The following TRAPPC8 variants were observed in gnomAD, a reference collection of about 807,000 sequenced individuals.
TRAPPC8 encodes general sporulation gene 1 homolog.
In TRAPPC8, 54 loss-of-function variants were observed where a neutral mutation model predicts 174.3. The ratio of observed to expected loss-of-function variants is 0.31; its 90% CI spans 0.25 to 0.39. The LOEUF is 0.39. Ranked by LOEUF, TRAPPC8 falls within the 10% of genes least tolerant of loss-of-function variation. TRAPPC8 has a pLI of 1.00. For synonymous variants in TRAPPC8, 630 were observed against 579.9 expected (o/e 1.09, Z -1.24); for missense variants, 1,531 against 1,699.1 (o/e 0.90, Z 1.74).
At chr18:31,874,213 A>G (rs2035029229) in intron 13 of TRAPPC8, 1 of 479,892 alleles carries the variant, frequency 2.1e-6, no homozygotes, top group African/African-American at 2.0e-5. Context: ...GAATCCAGAA[A>G]ACCTGTGGAA....
At chr18:31,940,380 G>C (rs920194499) in intron 1 of TRAPPC8, among the ~76,000 whole-genome samples, 5 of 151,984 alleles carry the variant, frequency 3.3e-5, no homozygotes, top group Non-Finnish European at 7.4e-5. Flanking sequence ...CTGGAAAATC[G>C]CTTGAACCTG....
intron 2 of TRAPPC8, 143 bp downstream of exon 2, chr18:31,931,186 G>T: frequency 1.6e-6 from 1 of 612,798 alleles, no homozygotes; most frequent in Non-Finnish European, 2.5e-6. Context: ...AAAGTTCCTA[G>T]GACTGTTTTC....
intron 11 of TRAPPC8, among the ~76,000 whole-genome samples, chr18:31,893,919 G>A (rs919015262): frequency 3.3e-5 from 5 of 152,082 alleles, no homozygotes; most frequent in African/African-American, 1.2e-4. Context: ...AAACCTGGAT[G>A]GGCAGCAATC....
intron 14 of TRAPPC8, among the ~76,000 whole-genome samples, chr18:31,873,174 C>A (rs887639448): frequency 6.6e-6 from 1 of 151,732 alleles, no homozygotes; most frequent in Admixed American, 6.6e-5. Context: ...TGTGCCACCA[C>A]GCCCAGCTAA....
chr18:31,908,555 G>C, intron 7 of TRAPPC8, 137 bp from the exon 8 acceptor site: 3 of 858,004 alleles, frequency 3.5e-6, no homozygotes, highest in Non-Finnish European at 5.0e-6. Flanking sequence ...TGTCCAATAT[G>C]CTGGCAAAAT....
rs1330606896 is a variant in TRAPPC8, at chr18:31,937,913, C to T, written c.157+4695G>A. ...AGATGGGGTTTCGCCACGTTAGCCA[C>T]GCTGGTCTCAAACTCCTGACCTCAG... On this transcript the variant is annotated intron_variant, in intron 1 of 28. Coordinates refer to ENST00000283351, the MANE Select transcript of TRAPPC8 (RefSeq NM_014939.5). Among the ~76,000 whole-genome samples the T allele has an allele frequency of 1.3e-5, 2 of 152,028 alleles. 1 individual carries two copies. The highest frequency in any genetic ancestry group is 4.1e-4 in the South Asian group (2 of 4,828).
chr18:31,831,908 A>G (rs2032396423), intron 28 of TRAPPC8, among the ~76,000 whole-genome samples, 176 bp downstream of exon 28: 1 of 152,134 alleles, frequency 6.6e-6, no homozygotes, highest in South Asian at 2.1e-4. Flanking sequence ...ATCAAGAAAA[A>G]AAAATCTTTA....
At chr18:31,872,212 G>A (rs574547994) in intron 14 of TRAPPC8, among the ~76,000 whole-genome samples, 24 of 151,880 alleles carry the variant, frequency 1.6e-4, no homozygotes, top group African/African-American at 5.8e-4. Flanking sequence ...TTGACTTTCT[G>A]TTTCTGAGTT....
In TRAPPC8 at chr18:31,870,458, G is replaced by A; in HGVS notation, c.2302C>T (p.Leu768=). The part of the protein sequence containing the change: ...EVAFRNPLKV[L]LLLTDLSLLW... ...AATGACAAATCAGTCAACAAAAGTA[G>A]AACTTTCAAAGGGTTTCTAAAAGCC... The change falls in exon 16 of 29, where the codon CTA becomes TTA. Residue 768 remains leucine (L), a synonymous_variant. Coordinates refer to ENST00000283351, the MANE Select transcript of TRAPPC8 (RefSeq NM_014939.5). 1 of 1,611,436 alleles carries A rather than the reference G, an allele frequency of 6.2e-7. No homozygotes were observed.
At chr18:31,859,754 T>C (rs2034226915) in intron 19 of TRAPPC8, among the ~76,000 whole-genome samples, 1 of 152,208 alleles carries the variant, frequency 6.6e-6, no homozygotes, top group African/African-American at 2.4e-5. Flanking sequence ...CCAGGCACAG[T>C]GGCTCACGCC....
intron 1 of TRAPPC8, among the ~76,000 whole-genome samples, chr18:31,931,865 C>T (rs948918660): frequency 3.3e-5 from 5 of 152,138 alleles, no homozygotes; most frequent in African/African-American, 1.2e-4. Flanking sequence ...TCCAAGGCAG[C>T]GTAAGGTCTA....
At position 31,830,704 on chromosome 18, in the gene TRAPPC8, C is replaced by T; in HGVS notation, c.*51G>A. 8 of 1,503,190 alleles carry T rather than the reference C, an allele frequency of 5.3e-6. No homozygotes were observed. The highest frequency in any genetic ancestry group is 7.3e-6 in the Non-Finnish European group (8 of 1,095,984). 93.1% of individuals were successfully genotyped at this position (1,503,190 alleles called of 1,614,324 possible). On this transcript the variant is annotated 3_prime_UTR_variant, in exon 29 of 29. Transcript: ENST00000283351. ...GGTATATCAAATACTGCTGTAAAAC[C>T]CATCCAGCAAAAACTGATTATTGTG...
In TRAPPC8 at chr18:31,867,453, A is replaced by T. The variant is rs757194963; in HGVS notation, c.2412T>A (p.Ile804=). The change falls in exon 17 of 29, where the codon ATT becomes ATA. Residue 804 remains isoleucine, a synonymous_variant. Coordinates refer to ENST00000283351, the MANE Select transcript of TRAPPC8 (RefSeq NM_014939.5). ...AGAACTCTGAAATAACTTCAGCTCC[A>T]ATCATTTCAGGTTCACTTGTAACCT... ...KQLVTSEPEM[I]GAEVISEFLI... is the part of the protein sequence containing the mutation. 1 of 1,607,980 alleles carries T rather than the reference A, an allele frequency of 6.2e-7. No homozygotes were observed. The highest frequency in any genetic ancestry group is 8.5e-7 in the Non-Finnish European group (1 of 1,175,956).
At chr18:31,909,344 C>A (rs2036809716) in intron 6 of TRAPPC8, among the ~76,000 whole-genome samples, 1 of 151,688 alleles carries the variant, frequency 6.6e-6, no homozygotes, top group African/African-American at 2.4e-5. Context: ...AATTTGTTAT[C>A]ATTACAAAAA....
intron 11 of TRAPPC8, 60 bp from the exon 12 acceptor site, chr18:31,890,926 C>A (rs1009721387): frequency 4.6e-5 from 69 of 1,496,810 alleles, no homozygotes; most frequent in Non-Finnish European, 6.0e-5. Flanking sequence ...AAATAGATAA[C>A]TAGTGAAAAA....
At chr18:31,883,225 A>AG (rs1491109274) in intron 12 of TRAPPC8, 2 of 58,750 alleles carry the variant, frequency 3.4e-5, no homozygotes, top group Admixed American at 1.4e-4. Flanking sequence ...TTCATCTCAG[A>AG]AAAAAAAAAA....
rs2037211597 is a variant in TRAPPC8 at position 31,917,767 on chromosome 18, A to G, written c.353-100T>C. On this transcript the variant is annotated intron_variant, in intron 2 of 28. Transcript: ENST00000283351. ...ATATTCCTAAAAGGTATAAAAAAAA[A>G]ATTTCTAACAGTAAACAAGCATTTT... 22 of 1,014,506 alleles carry G rather than the reference A, an allele frequency of 2.2e-5. No homozygotes were observed. In the South Asian group the frequency reaches 3.0e-4, roughly 14 times the overall value. 62.8% of individuals were successfully genotyped at this position (1,014,506 alleles called of 1,614,324 possible). A position where few individuals can be genotyped will look rare whatever the true frequency, so the allele number is the denominator to read the frequency against.
intron 12 of TRAPPC8, among the ~76,000 whole-genome samples, chr18:31,875,620 T>C (rs145288511): frequency 6.6e-6 from 1 of 152,226 alleles, no homozygotes; most frequent in Non-Finnish European, 1.5e-5. Flanking sequence ...TGTCAGGGCA[T>C]ACTTCCTGGT....
intron 19 of TRAPPC8, among the ~76,000 whole-genome samples, chr18:31,862,708 A>C (rs756643950): frequency 6.6e-6 from 1 of 152,208 alleles, no homozygotes; most frequent in South Asian, 2.1e-4. Flanking sequence ...CATTTTCATG[A>C]GTATGTTACC....
Sources: gnomAD v4.1 joint callset for allele counts (sites outside exome capture counted in the v4.1 genomes callset) on GRCh38, gnomAD v4.1.1 for gene constraint, MANE v1.5 for transcripts, NCBI Gene and HGNC (gene_info 2026-07-23, HGNC 2026-07-21) for gene names.